Variants in CCDC102B observed in about 807,000 individuals in gnomAD.
CCDC102B encodes the protein coiled-coil domain-containing protein 102B.
In CCDC102B, 75 loss-of-function variants were observed where a neutral mutation model predicts 57.4. The observed-to-expected ratio is 1.31, with a 90% confidence interval of 1.08 to 1.58. CCDC102B has a LOEUF of 1.58. Ranked by LOEUF, CCDC102B falls within the 40% of genes most tolerant of loss-of-function variation. The pLI, the probability that CCDC102B is intolerant of heterozygous loss-of-function variation, is 0.00. For missense variants in CCDC102B, 636 were observed against 582.6 expected (o/e 1.09, Z -0.94); for synonymous variants, 206 against 201.9 (o/e 1.02, Z -0.17).
chr18:68,750,943 TATA>T (rs1256026373), intron 2 of CCDC102B, among the ~76,000 whole-genome samples: 1 of 150,832 alleles, frequency 6.6e-6, no homozygotes, highest in African/African-American at 2.5e-5. Flanking sequence ...GAACTTAAAG[TATA>T]ATAATAATAA....
At chr18:68,831,794 T>C (rs8093317) in intron 1 of CCDC102B, among the ~76,000 whole-genome samples, 4,923 of 152,196 alleles carry the variant, frequency 0.032, 205 homozygotes, top group African/African-American at 0.097. Context: ...ATCACAGCTA[T>C]AGTCTTCCAT....
intron 2 of CCDC102B, among the ~76,000 whole-genome samples, chr18:68,764,640 T>C (rs1430904948): frequency 6.6e-6 from 1 of 152,206 alleles, no homozygotes; most frequent in South Asian, 2.1e-4. Flanking sequence ...GTATCTCTTA[T>C]AACATTTTTG....
intron 6 of CCDC102B, among the ~76,000 whole-genome samples, chr18:69,004,064 TCA>T (rs1260734549): frequency 1.3e-5 from 2 of 152,212 alleles, no homozygotes; most frequent in Non-Finnish European, 2.9e-5. Flanking sequence ...TATCGTGGGT[TCA>T]CACAGTTTTA....
chr18:68,848,755 A>G (rs552703276), intron 4 of CCDC102B, among the ~76,000 whole-genome samples: 1 of 152,134 alleles, frequency 6.6e-6, no homozygotes, highest in East Asian at 1.9e-4. Context: ...ATGAAATTTC[A>G]TGGTCTAGAG....
intron 2 of CCDC102B, among the ~76,000 whole-genome samples, chr18:68,734,481 C>T (rs2033037225): frequency 6.6e-6 from 1 of 152,232 alleles, no homozygotes; most frequent in African/African-American, 2.4e-5. Context: ...TAGTCATCAT[C>T]TGGCTTACGG....
intron 5 of CCDC102B, among the ~76,000 whole-genome samples, chr18:68,883,860 A>G (rs1338906015): frequency 6.6e-6 from 1 of 152,206 alleles, no homozygotes; most frequent in Non-Finnish European, 1.5e-5. Flanking sequence ...CCCTTGGTTA[A>G]TAAGCCCCTC....
Position 68,960,899 on chromosome 18 carries a change from T to G in CCDC102B, c.1264-50035T>G, listed in dbSNP as rs1330352294. Among the ~76,000 whole-genome samples the G allele has an allele frequency of 3.9e-5, 6 of 152,312 alleles. No homozygotes were observed. The East Asian group carries it at 1.2e-3, about 29-fold the overall frequency. ...GAAGGTGGTGTTAGCAATTCCAGACTGTCTTTCCTATCTTGTTCAGTGCCT... is the reference window on the plus strand; with the variant it reads ...GAAGGTGGTGTTAGCAATTCCAGACGGTCTTTCCTATCTTGTTCAGTGCCT... On this transcript the variant is annotated intron_variant, in intron 6 of 7. Transcript: ENST00000360242.
chr18:68,851,935 C>T (rs2144837661), intron 4 of CCDC102B, among the ~76,000 whole-genome samples: 1 of 152,220 alleles, frequency 6.6e-6, no homozygotes, highest in South Asian at 2.1e-4. Context: ...GACTAATGTT[C>T]ATAAATCCAA....
chr18:69,009,475 G>T (rs749394131), intron 6 of CCDC102B, among the ~76,000 whole-genome samples: 3 of 151,958 alleles, frequency 2.0e-5, no homozygotes, highest in African/African-American at 7.3e-5. Context: ...AATTCGAATT[G>T]ATGTGCCTCT....
At chr18:68,972,447 T>C (rs865855528) in intron 6 of CCDC102B, among the ~76,000 whole-genome samples, 12 of 152,172 alleles carry the variant, frequency 7.9e-5, no homozygotes, top group Non-Finnish European at 8.8e-5. Context: ...ATTACTGCCC[T>C]GGAACTAAAC....
chr18:68,926,843 A>T (rs1253123792), intron 6 of CCDC102B, among the ~76,000 whole-genome samples: 1 of 151,972 alleles, frequency 6.6e-6, no homozygotes, highest in Non-Finnish European at 1.5e-5. Context: ...TATTGATTTA[A>T]TGAAGCACCA....
intron 6 of CCDC102B, among the ~76,000 whole-genome samples, chr18:68,943,747 G>A (rs755383439): frequency 3.3e-5 from 5 of 152,086 alleles, no homozygotes; most frequent in Admixed American, 6.6e-5. Context: ...TTAAGCCGGC[G>A]GCCAAAGAGA....
At chr18:68,785,595 T>C (rs1249311941) in intron 2 of CCDC102B, among the ~76,000 whole-genome samples, 1 of 150,980 alleles carries the variant, frequency 6.6e-6, no homozygotes, top group Non-Finnish European at 1.5e-5. Context: ...TGAGCATTTT[T>C]TCATGTGTTT....
chr18:68,963,079 G>A (rs1369013228), intron 6 of CCDC102B, among the ~76,000 whole-genome samples: 2 of 151,940 alleles, frequency 1.3e-5, no homozygotes, highest in African/African-American at 4.8e-5. Context: ...AGATGATGTA[G>A]AGAAAAATAT....
At chr18:68,746,899 T>A (rs1293411382) in intron 2 of CCDC102B, among the ~76,000 whole-genome samples, 1 of 152,084 alleles carries the variant, frequency 6.6e-6, no homozygotes, top group African/African-American at 2.4e-5. Flanking sequence ...ACCCCCTTTT[T>A]ATGGTGAGAA....
intron 6 of CCDC102B, among the ~76,000 whole-genome samples, chr18:68,997,086 A>G (rs575604209): frequency 6.6e-6 from 1 of 152,212 alleles, no homozygotes; most frequent in South Asian, 2.1e-4. Flanking sequence ...TCCTGCCACC[A>G]TGTAAAGAAG....
intron 5 of CCDC102B, among the ~76,000 whole-genome samples, chr18:68,894,580 C>T (rs1788125717): frequency 6.6e-6 from 1 of 151,626 alleles, no homozygotes; most frequent in Admixed American, 6.6e-5. Flanking sequence ...TTTTAAGGTA[C>T]ATGCAATTAA....
intron 3 of CCDC102B, among the ~76,000 whole-genome samples, chr18:68,840,944 G>A (rs2037600142): frequency 6.6e-6 from 1 of 152,086 alleles, no homozygotes; most frequent in Non-Finnish European, 1.5e-5. Flanking sequence ...CCATAGACAG[G>A]CCAAAGAATA....
At position 68,739,829 on chromosome 18, in the gene CCDC102B, T is replaced by C. The variant is rs552746700; in HGVS notation, c.-67+23235T>C. Among the ~76,000 whole-genome samples, 18 of 152,258 alleles carry C rather than the reference T, an allele frequency of 1.2e-4. No individual in the cohort carries two copies. In the South Asian group the frequency reaches 3.3e-3, roughly 28 times the overall value. Reference sequence around the variant, plus strand: ...GTCTCTATTAAGACACATCTGGAAATATGAGATGGCCCAGGTAGTAGGATT... The same window carrying C: ...GTCTCTATTAAGACACATCTGGAAACATGAGATGGCCCAGGTAGTAGGATT... On this transcript the variant is annotated intron_variant, in intron 2 of 3. Transcript: ENST00000578970.
Sources: allele counts gnomAD v4.1 joint callset (sites outside exome capture counted in the v4.1 genomes callset), GRCh38; gene constraint gnomAD v4.1.1; transcripts MANE v1.5; gene names NCBI Gene and HGNC (gene_info 2026-07-23, HGNC 2026-07-21).